PPP2CA: variants seen among roughly 807,000 people sequenced by gnomAD.
PPP2CA encodes the protein protein phosphatase 2 catalytic subunit alpha, also known as serine/threonine-protein phosphatase 2A catalytic subunit alpha isoform.
Under a neutral mutation model 38.8 loss-of-function variants are expected in PPP2CA, and 5 were observed. The observed-to-expected ratio is 0.13, with a 90% CI of 0.07 to 0.27. The LOEUF (loss-of-function observed/expected upper bound fraction) is 0.27, where lower values mean the gene tolerates loss of function less well. Ranked by LOEUF, PPP2CA falls within the 10% of genes least tolerant of loss-of-function variation. The pLI, the probability that PPP2CA is intolerant of heterozygous loss-of-function variation, is 1.00. For missense variants in PPP2CA, 88 were observed against 389.7 expected, an observed-to-expected ratio of 0.23 and a Z score of 6.52; for synonymous variants, 152 against 134.0, an observed-to-expected ratio of 1.13 and a Z score of -0.93.
intron 1 of PPP2CA, among the ~76,000 whole-genome samples, chr5:134,212,895 C>T (rs900190768): frequency 1.3e-5 from 2 of 152,108 alleles, no homozygotes; most frequent in Admixed American, 6.5e-5. Context: ...TTCTTCAATT[C>T]TATAAAGGCT....
At chr5:134,222,927 CTT>C (rs1265089523) in intron 1 of PPP2CA, among the ~76,000 whole-genome samples, 21 of 152,232 alleles carry the variant, frequency 1.4e-4, no homozygotes, top group Non-Finnish European at 2.9e-5. Context: ...TCACTCTTGT[CTT>C]TTATAAATGC....
At chr5:134,222,363 T>C (rs254050) in intron 1 of PPP2CA, among the ~76,000 whole-genome samples, 108,020 of 151,982 alleles carry the variant, frequency 0.71, 39,245 homozygotes, top group Non-Finnish European at 0.82. Context: ...CCAATTCATA[T>C]AAGAATGTCA....
chr5:134,203,279 T>C lies in PPP2CA; in HGVS notation c.313-1258A>G, dbSNP rs576599606. On this transcript the variant is annotated intron_variant, in intron 2 of 6. Coordinates refer to ENST00000481195, the MANE Select transcript of PPP2CA (RefSeq NM_002715.4). ...ATTTATTCTAGAAGTTTTGTAGCTT[T>C]AGCTCTTACATTTAGTTCTATGATA... Among the ~76,000 whole-genome samples the C allele has an allele frequency of 1.8e-4, 27 of 152,364 alleles. 1 individual carries two copies. The South Asian group carries it at 5.4e-3, about 30-fold the overall frequency.
chr5:134,199,175 T>C lies in PPP2CA; in HGVS notation c.768A>G (p.Val256=). The C allele has an allele frequency of 6.2e-7, 1 of 1,613,990 alleles. No individual in the cohort carries two copies. The highest frequency in any genetic ancestry group is 8.5e-7 in the Non-Finnish European group (1 of 1,179,912). Reference sequence around the variant, plus strand: ...AGTTTGGAGCACTGAAAATCGTTACTACATTCCGGTCATGGCACCAGTTAT... The same window carrying C: ...AGTTTGGAGCACTGAAAATCGTTACCACATTCCGGTCATGGCACCAGTTAT... The part of the protein sequence containing the change: ...EGYNWCHDRN[V]VTIFSAPNYC... Residue 256 remains valine, a synonymous_variant, in exon 6 of 7, where the codon GTA becomes GTG. Coordinates refer to ENST00000481195, the MANE Select transcript of PPP2CA (RefSeq NM_002715.4).
intron 1 of PPP2CA, chr5:134,225,500 G>A: frequency 4.8e-6 from 2 of 415,616 alleles, no homozygotes; most frequent in Middle Eastern, 6.8e-4. Flanking sequence ...CACCTCGTCT[G>A]GCGCCAAGGC....
At chr5:134,224,433 A>C (rs1762516773) in intron 1 of PPP2CA, 1 of 377,512 alleles carries the variant, frequency 2.6e-6, no homozygotes, top group South Asian at 2.0e-5. Flanking sequence ...ATGGTTTCTA[A>C]AAAAGCCTGT....
intron 1 of PPP2CA, among the ~76,000 whole-genome samples, chr5:134,215,652 T>C (rs1179578660): frequency 6.6e-6 from 1 of 152,146 alleles, no homozygotes; most frequent in Non-Finnish European, 1.5e-5. Context: ...CTGCCTAGGC[T>C]GGTCTTGAAC....
chr5:134,198,477 T>G (rs1761903540), intron 6 of PPP2CA, among the ~76,000 whole-genome samples: 1 of 152,078 alleles, frequency 6.6e-6, no homozygotes, highest in African/African-American at 2.4e-5. Flanking sequence ...CTATATATAA[T>G]AAGTTCCTGT....
At chr5:134,205,387 CCTT>C (rs1441696400) in intron 2 of PPP2CA, among the ~76,000 whole-genome samples, 1 of 79,384 alleles carries the variant, frequency 1.3e-5, no homozygotes, top group Non-Finnish European at 2.8e-5. Flanking sequence ...TTTTTCTTTT[CCTT>C]TTTTTTTTTT....
chr5:134,202,028 CAATAAAATGCA>C lies in PPP2CA; in HGVS notation c.313-18_313-8del, dbSNP rs777942547. ...TGCGTTCACGGTAACGAACCTAAAA[CAATAAAATGCA>C]AAACATAAACAACTAGCTCTTTCAA... On this transcript the variant is annotated splice_polypyrimidine_tract_variant and splice_region_variant and intron_variant, in intron 2 of 6. Transcript: ENST00000481195. 3.2e-6 allele frequency: 5 copies of C among 1,565,544 alleles called. No homozygotes were observed. In the South Asian group the frequency reaches 4.8e-5, roughly 15 times the overall value.
chr5:134,199,904 C>A (rs1333538892), intron 5 of PPP2CA, among the ~76,000 whole-genome samples: 5 of 152,108 alleles, frequency 3.3e-5, no homozygotes, highest in Non-Finnish European at 7.3e-5. Flanking sequence ...ATGTCAAGAA[C>A]CTTTGCCTCT....
chr5:134,197,687 G>T lies in PPP2CA; in HGVS notation c.*85C>A. On this transcript the variant is annotated 3_prime_UTR_variant, in exon 7 of 7. Coordinates refer to ENST00000481195, the MANE Select transcript of PPP2CA (RefSeq NM_002715.4). The stretch of plus-strand genomic sequence containing the variant: ...GTTTTTTGAATGTTAACTATTTTCT[G>T]ACACTTTGGAGTTACTGTTGCTCTT... 1 of 1,089,640 alleles carries T rather than the reference G, an allele frequency of 9.2e-7. No individual in the cohort carries two copies. The highest frequency in any genetic ancestry group is 1.4e-6 in the Non-Finnish European group (1 of 721,846). 67.5% of individuals were successfully genotyped at this position (1,089,640 alleles called of 1,614,324 possible). A position where few individuals can be genotyped will look rare whatever the true frequency, so the allele number is the denominator to read the frequency against.
intron 3 of PPP2CA, 79 bp from the exon 4 acceptor site, chr5:134,201,153 T>C: frequency 9.1e-7 from 1 of 1,097,392 alleles, no homozygotes; most frequent in Non-Finnish European, 1.4e-6. Context: ...GGCTCATGCC[T>C]GTAACCCCAG....
intron 1 of PPP2CA, among the ~76,000 whole-genome samples, chr5:134,208,988 T>A: frequency 6.6e-6 from 1 of 152,212 alleles, no homozygotes; most frequent in East Asian, 1.9e-4. Context: ...TCCTCGTATT[T>A]TCTCCTCTGT....
chr5:134,194,922 A>G lies in PPP2CA; in HGVS notation c.*2850T>C, dbSNP rs576731166. 9 of 152,156 alleles carry G rather than the reference A, an allele frequency of 5.9e-5. No individual in the cohort carries two copies. The highest frequency in any genetic ancestry group is 2.2e-4 in the African/African-American group (9 of 41,516). 9.4% of individuals were successfully genotyped at this position (152,156 alleles called of 1,614,324 possible). Reference sequence around the variant, plus strand: ...CGCGCCTGGCTGTTTTTAACCCTAGATGTAAATTAGAATCACTTGGGAAAC... The same window carrying G: ...CGCGCCTGGCTGTTTTTAACCCTAGGTGTAAATTAGAATCACTTGGGAAAC... On this transcript the variant is annotated 3_prime_UTR_variant, in exon 7 of 7. Coordinates refer to ENST00000481195, the MANE Select transcript of PPP2CA (RefSeq NM_002715.4).
intron 4 of PPP2CA, 60 bp downstream of exon 4, chr5:134,200,925 T>G: frequency 7.4e-7 from 1 of 1,347,700 alleles, no homozygotes; most frequent in Non-Finnish European, 1.1e-6. Context: ...GAACTTACAA[T>G]TAAACTTCTC....
intron 1 of PPP2CA, 85 bp downstream of exon 1, chr5:134,225,675 C>T: frequency 7.9e-7 from 1 of 1,269,954 alleles, no homozygotes; most frequent in Non-Finnish European, 1.1e-6. Flanking sequence ...CGGCGGCCTC[C>T]GCCATGTTGC....
intron 1 of PPP2CA, among the ~76,000 whole-genome samples, chr5:134,214,914 A>C (rs1380181954): frequency 6.6e-6 from 1 of 152,054 alleles, no homozygotes; most frequent in Non-Finnish European, 1.5e-5. Flanking sequence ...TTTAATCCTA[A>C]GATTACACGA....
intron 1 of PPP2CA, among the ~76,000 whole-genome samples, chr5:134,206,441 T>C (rs974610401): frequency 6.6e-6 from 1 of 152,240 alleles, no homozygotes; most frequent in African/African-American, 2.4e-5. Flanking sequence ...GAACAGGACA[T>C]TCAGGTATCT....
Sources: allele counts gnomAD v4.1 joint callset (sites outside exome capture counted in the v4.1 genomes callset), GRCh38; gene constraint gnomAD v4.1.1; transcripts MANE v1.5; gene names NCBI Gene and HGNC (gene_info 2026-07-23, HGNC 2026-07-21).